Variants in TCEA2 observed in about 807,000 individuals in gnomAD.
TCEA2 encodes transcription elongation factor A protein 2.
In TCEA2, 21 loss-of-function variants were observed where a neutral mutation model predicts 40.8. The observed-to-expected ratio is 0.51, with a 90% CI of 0.36 to 0.74. The LOEUF is 0.74. Among genes scored for constraint, TCEA2 ranks in the 30% least tolerant of loss-of-function variants. The pLI, the probability that TCEA2 is intolerant of heterozygous loss-of-function variation, is 0.00. For missense variants in TCEA2, 326 were observed against 426.5 expected (o/e 0.76, Z 2.08); for synonymous variants, 165 against 162.7 (o/e 1.01, Z -0.11).
chr20:64,070,671 T>C (rs772018029), intron 8 of TCEA2, 36 bp downstream of exon 8: 1 of 1,508,346 alleles, frequency 6.6e-7, no homozygotes, highest in African/African-American at 1.4e-5. Context: ...CCGGGCCCGG[T>C]GTCTTCAGGG....
upstream of TCEA2, among the ~76,000 whole-genome samples, chr20:64,060,090 C>T (rs1377643980): frequency 1.3e-5 from 2 of 152,204 alleles, no homozygotes; most frequent in Non-Finnish European, 1.5e-5. Flanking sequence ...GACGTTGACC[C>T]TCTCTCCTTT....
chr20:64,064,870 G>A (rs1438300113), intron 1 of TCEA2, among the ~76,000 whole-genome samples: 1 of 147,358 alleles, frequency 6.8e-6, no homozygotes, highest in Non-Finnish European at 1.5e-5. Flanking sequence ...CGAGAATGGA[G>A]TTGTTCCCCT....
chr20:64,057,056 G>A (rs2059481024), upstream of TCEA2: 1 of 152,244 alleles, frequency 6.6e-6, no homozygotes, highest in African/African-American at 2.4e-5. Flanking sequence ...CTGGCTGCAG[G>A]TGACCACAGA....
chr20:64,069,011 G>A (rs2059761786), intron 4 of TCEA2, among the ~76,000 whole-genome samples: 1 of 152,262 alleles, frequency 6.6e-6, no homozygotes. Context: ...GCGGCCCAGT[G>A]GGTGGGCACC....
At chr20:64,068,239 G>A in intron 4 of TCEA2, 105 bp downstream of exon 4, 5 of 1,036,954 alleles carry the variant, frequency 4.8e-6, no homozygotes, top group Non-Finnish European at 7.2e-6. Flanking sequence ...CTTTGAGGCT[G>A]CACACAGAGT....
At chr20:64,062,635 GC>G (rs1383375157), upstream of TCEA2, 1 of 152,310 alleles carries the variant, frequency 6.6e-6, no homozygotes, top group African/African-American at 2.4e-5. Flanking sequence ...CCCAGCAATG[GC>G]CCCTTCCAGA....
chr20:64,063,500 C>T (rs531488114), intron 1 of TCEA2, 116 bp downstream of exon 1: 3 of 1,190,326 alleles, frequency 2.5e-6, no homozygotes, highest in South Asian at 1.4e-5. Context: ...AGACCCCTCC[C>T]CGGCAGAGAC....
chr20:64,066,640 G>A, intron 2 of TCEA2, 102 bp downstream of exon 2: 1 of 1,327,028 alleles, frequency 7.5e-7, no homozygotes, highest in Non-Finnish European at 1.1e-6. Flanking sequence ...CTCCCCACCA[G>A]GCCTTAGTTG....
upstream of TCEA2, among the ~76,000 whole-genome samples, chr20:64,059,047 G>A (rs982142369): frequency 1.3e-5 from 2 of 152,068 alleles, no homozygotes; most frequent in African/African-American, 4.8e-5. Context: ...AAACATATTA[G>A]CCGGGTGTGG....
chr20:64,060,587 A>G (rs745413117), upstream of TCEA2, among the ~76,000 whole-genome samples: 25 of 152,178 alleles, frequency 1.6e-4, no homozygotes, highest in Non-Finnish European at 2.8e-4. Flanking sequence ...GTCTTCATAT[A>G]TGCCCAAACC....
chr20:64,066,974 C>T lies in TCEA2; in HGVS notation c.195C>T (p.Val65=). 6.2e-7 allele frequency: 1 copy of T among 1,613,898 alleles called. No homozygotes were observed. Among genetic ancestry groups the T allele is most frequent in the Non-Finnish European group, 8.5e-7 (1 of 1,179,936 alleles). ...ALRKQSSDEE[V]IALAKSLIKS... ...GGAAGCAGAGCTCGGATGAGGAGGT[C>T]ATTGCACTGGCCAAGTCTCTCATCA... Residue 65 remains valine (V), a synonymous_variant, in exon 3 of 10, where the codon GTC becomes GTT. Transcript: ENST00000343484.
chr20:64,063,456 G>A, intron 1 of TCEA2, 72 bp downstream of exon 1: 1 of 1,500,574 alleles, frequency 6.7e-7, no homozygotes, highest in East Asian at 2.5e-5. Context: ...GCCGACCCCC[G>A]TTAGGGCCGG....
In TCEA2 at chr20:64,063,299, C is replaced by T. The variant is rs1333777125; in HGVS notation, c.-14C>T. The T allele has an allele frequency of 6.6e-7, 1 of 1,523,852 alleles. No homozygotes were observed. The highest frequency in any genetic ancestry group is 2.7e-5 in the East Asian group (1 of 37,102). The allele number at this position is 1,523,852 out of a possible 1,614,324, so 94.4% of individuals were successfully genotyped here. A position where few individuals can be genotyped will look rare whatever the true frequency, so the allele number is the denominator to read the frequency against. ...GCGGGCGCGACGGGCGCGGGGGTCG[C>T]TGCTCCTGAGGCGATGATGGGCAAG... is the stretch of plus-strand genomic sequence containing the variant. On this transcript the variant is annotated 5_prime_UTR_variant, in exon 1 of 10. Transcript: ENST00000343484.
At chr20:64,062,592 C>G (rs2059588085), upstream of TCEA2, 1 of 152,258 alleles carries the variant, frequency 6.6e-6, no homozygotes, top group African/African-American at 2.4e-5. Flanking sequence ...CTTGCCCACG[C>G]AGCCTCGGCA....
intron 9 of TCEA2, 91 bp downstream of exon 9, chr20:64,072,032 G>T (rs2059851335): frequency 6.3e-7 from 1 of 1,598,856 alleles, no homozygotes; most frequent in East Asian, 2.2e-5. Flanking sequence ...GTGAACTGGG[G>T]ATGGCCCTGC....
rs371189470 is a variant in TCEA2 at position 64,069,772 on chromosome 20, C to T, written c.468C>T (p.His156=). 4.0e-5 allele frequency: 65 copies of T among 1,611,702 alleles called. No homozygotes were observed. The highest frequency in any genetic ancestry group is 1.6e-4 in the Middle Eastern group (1 of 6,062). Residue 156 remains histidine (H), a synonymous_variant, in exon 6 of 10, where the codon CAC becomes CAT. Transcript: ENST00000343484. ...LTAALQTDHD[H]VAIGADCERL... ...CAGGGCTCCCTCTTGCAGATGACCA[C>T]GTGGCCATCGGTGCGGACTGCGAGC...
chr20:64,068,794 T>G (rs2059756050), intron 4 of TCEA2, among the ~76,000 whole-genome samples: 1 of 152,256 alleles, frequency 6.6e-6, no homozygotes, highest in Non-Finnish European at 1.5e-5. Flanking sequence ...GCTAGGTGGA[T>G]GCAGCCTGGT....
rs115090209 is a variant in TCEA2, at chr20:64,071,752, C to T, written c.820-118C>T. ...GAAGGTTGGAGTCACGAGGCGGCCT[C>T]GGATCAGGTCACCTGTGGGAGCTCA... On this transcript the variant is annotated intron_variant, in intron 8 of 9. Transcript: ENST00000343484. The T allele has an allele frequency of 5.1e-4, 630 of 1,227,118 alleles. 2 individuals carry two copies. The African/African-American group carries it at 8.0e-3, about 16-fold the overall frequency. 76.0% of individuals were successfully genotyped at this position (1,227,118 alleles called of 1,614,324 possible). A position where few individuals can be genotyped will look rare whatever the true frequency, so the allele number is the denominator to read the frequency against.
upstream of TCEA2, among the ~76,000 whole-genome samples, chr20:64,056,153 C>T (rs2059471160): frequency 6.6e-6 from 1 of 152,104 alleles, no homozygotes; most frequent in Non-Finnish European, 1.5e-5. Flanking sequence ...TGGGAGGGAG[C>T]TGGGACTGGG....
Sources: gnomAD v4.1 joint callset for allele counts (sites outside exome capture counted in the v4.1 genomes callset) on GRCh38, gnomAD v4.1.1 for gene constraint, MANE v1.5 for transcripts, NCBI Gene and HGNC (gene_info 2026-07-23, HGNC 2026-07-21) for gene names.